Variants in M1AP observed in about 807,000 individuals in gnomAD.
M1AP encodes meiosis 1 arrest protein.
A neutral mutation model predicts 51.2 loss-of-function variants in M1AP; 39 were observed. The observed-to-expected ratio is 0.76, with a 90% CI of 0.59 to 1.00. The LOEUF (loss-of-function observed/expected upper bound fraction) is 1.00. Among genes scored for constraint, M1AP ranks in the 50% least tolerant of loss-of-function variants. The pLI, the probability that M1AP is intolerant of heterozygous loss-of-function variation, is 0.00. For synonymous variants in M1AP, 251 were observed against 249.2 expected, an observed-to-expected ratio of 1.01 and a Z score of -0.07; for missense variants, 545 against 641.2, an observed-to-expected ratio of 0.85 and a Z score of 1.62.
chr2:74,622,240 TTTTTA>T (rs1005178134), intron 2 of M1AP, among the ~76,000 whole-genome samples: 21 of 152,170 alleles, frequency 1.4e-4, no homozygotes, highest in African/African-American at 4.3e-4. Context: ...GCCTGTTTAT[TTTTTA>T]TTTTATTTTT....
intron 4 of M1AP, among the ~76,000 whole-genome samples, chr2:74,592,927 C>T (rs935924055): frequency 4.6e-5 from 7 of 152,156 alleles, no homozygotes; most frequent in African/African-American, 1.7e-4. Flanking sequence ...TATCTATATT[C>T]GTGCCTATTT....
At chr2:74,637,363 G>A (rs1683045929) in intron 2 of M1AP, among the ~76,000 whole-genome samples, 1 of 152,160 alleles carries the variant, frequency 6.6e-6, no homozygotes, top group Non-Finnish European at 1.5e-5. Context: ...TATAACAATT[G>A]TCTTAATGTC....
intron 2 of M1AP, among the ~76,000 whole-genome samples, chr2:74,633,187 C>A (rs1682796963): frequency 6.6e-6 from 1 of 152,130 alleles, no homozygotes; most frequent in Admixed American, 6.5e-5. Flanking sequence ...CTCCTGATTT[C>A]CTCCTCACCA....
At chr2:74,618,914 TC>T (rs1486211307) in intron 2 of M1AP, 1 of 531,550 alleles carries the variant, frequency 1.9e-6, no homozygotes, top group African/African-American at 1.9e-5. Context: ...GATTTTCTTG[TC>T]TTTGGGGAAA....
At chr2:74,628,644 C>A in intron 2 of M1AP, 1 of 693,262 alleles carries the variant, frequency 1.4e-6, no homozygotes, top group Non-Finnish European at 2.5e-6. Flanking sequence ...ATGGTTCTTT[C>A]CATCTTCATC....
intron 4 of M1AP, among the ~76,000 whole-genome samples, chr2:74,590,000 G>A (rs1052715023): frequency 1.3e-5 from 2 of 152,164 alleles, no homozygotes; most frequent in African/African-American, 2.4e-5. Flanking sequence ...GAAAGTTTAC[G>A]AATTTTTGTT....
chr2:74,623,920 A>G (rs758370638), intron 2 of M1AP, among the ~76,000 whole-genome samples: 1 of 152,044 alleles, frequency 6.6e-6, no homozygotes, highest in Non-Finnish European at 1.5e-5. Flanking sequence ...GATCCTCCCA[A>G]CTTGCCTCCC....
At chr2:74,648,131 G>T in intron 1 of M1AP, 134 bp downstream of exon 1, 1 of 972,912 alleles carries the variant, frequency 1.0e-6, no homozygotes, top group Non-Finnish European at 1.2e-6. Context: ...TCTTGCGCCG[G>T]CACCCGCCAC....
intron 2 of M1AP, among the ~76,000 whole-genome samples, chr2:74,633,589 G>A (rs952498400): frequency 6.6e-6 from 1 of 152,040 alleles, no homozygotes; most frequent in Non-Finnish European, 1.5e-5. Context: ...ATTCAGAATT[G>A]AGCCCAATCT....
Position 74,575,427 on chromosome 2 carries a change from T to G in M1AP, c.1074+11A>C. 1 of 1,613,982 alleles carries G rather than the reference T, an allele frequency of 6.2e-7. No homozygotes were observed. Among genetic ancestry groups the G allele is most frequent in the South Asian group, 1.1e-5 (1 of 91,060 alleles). On this transcript the variant is annotated intron_variant, in intron 7 of 10. Coordinates refer to ENST00000421985, the MANE Select transcript of M1AP (RefSeq NM_001321739.2). Reference sequence around the variant, plus strand: ...GATTCTTCTTTTTCACCTGGGGACATGGGTACTCACCAGCAGGCTGTGACA... The same window carrying G: ...GATTCTTCTTTTTCACCTGGGGACAGGGGTACTCACCAGCAGGCTGTGACA...
chr2:74,625,027 A>G (rs553082947), intron 2 of M1AP, among the ~76,000 whole-genome samples: 2 of 152,322 alleles, frequency 1.3e-5, no homozygotes, highest in Admixed American at 1.3e-4. Context: ...ATTGCCCTCT[A>G]TAATGTCGAT....
rs363680 is a variant in M1AP, at chr2:74,585,354, C to T, written c.596-3507G>A. 4.8e-3 allele frequency among the ~76,000 whole-genome samples: 729 copies of T among 152,244 alleles called. 3 individuals carry two copies. The highest frequency in any genetic ancestry group is 0.016 in the African/African-American group (675 of 41,550). On this transcript the variant is annotated intron_variant, in intron 4 of 10. Coordinates refer to ENST00000421985, the MANE Select transcript of M1AP (RefSeq NM_001321739.2). ...TTTTTGTGATTATGGTTATGGTTCT[C>T]CCTCTAAAACATTCTGGCTTATCCT... is the stretch of plus-strand genomic sequence containing the variant.
At chr2:74,584,448 C>CAAA (rs772920948) in intron 4 of M1AP, among the ~76,000 whole-genome samples, 6 of 73,554 alleles carry the variant, frequency 8.2e-5, no homozygotes, top group African/African-American at 2.5e-4. Context: ...GTCTCAGTTG[C>CAAA]AAAAAAAAAA....
intron 7 of M1AP, among the ~76,000 whole-genome samples, chr2:74,564,173 G>C (rs1678221889): frequency 6.6e-6 from 1 of 152,208 alleles, no homozygotes; most frequent in Non-Finnish European, 1.5e-5. Flanking sequence ...CAAATAGAAA[G>C]TGACACAGTG....
At chr2:74,648,011 G>A in intron 1 of M1AP, 2 of 985,526 alleles carry the variant, frequency 2.0e-6, no homozygotes, top group Non-Finnish European at 2.4e-6. Context: ...TCGGGCCTGG[G>A]GGCCCCGCGG....
chr2:74,619,067 G>C (rs1432186423), intron 2 of M1AP: 1 of 448,892 alleles, frequency 2.2e-6, no homozygotes, highest in Non-Finnish European at 4.5e-6. Context: ...AGGTTTTGTT[G>C]ATCAGTCCAT....
intron 4 of M1AP, among the ~76,000 whole-genome samples, chr2:74,601,012 A>G (rs1244321589): frequency 6.6e-6 from 1 of 152,132 alleles, no homozygotes; most frequent in East Asian, 1.9e-4. Context: ...AGGCACTGTT[A>G]TAAGTGCTTT....
chr2:74,639,601 T>C (rs370886427), intron 2 of M1AP, among the ~76,000 whole-genome samples: 3 of 152,214 alleles, frequency 2.0e-5, no homozygotes, highest in African/African-American at 7.2e-5. Flanking sequence ...TAGTTAGGGC[T>C]TTCTGAGCAA....
intron 1 of M1AP, among the ~76,000 whole-genome samples, chr2:74,641,807 G>T (rs1683313929): frequency 6.7e-6 from 1 of 150,290 alleles, no homozygotes; most frequent in Admixed American, 6.7e-5. Flanking sequence ...ATTATTTTAA[G>T]AACAGAAGAA....
Sources: gnomAD v4.1 joint callset for allele counts (sites outside exome capture counted in the v4.1 genomes callset) on GRCh38, gnomAD v4.1.1 for gene constraint, MANE v1.5 for transcripts, NCBI Gene and HGNC (gene_info 2026-07-23, HGNC 2026-07-21) for gene names.